Variants in MAGI2 observed in about 807,000 individuals in gnomAD.
MAGI2 encodes membrane associated guanylate kinase, WW and PDZ domain containing 2.
Under a neutral mutation model 133.3 loss-of-function variants are expected in MAGI2, and 35 were observed. The observed-to-expected ratio is 0.26, with a 90% CI of 0.20 to 0.35. The LOEUF is 0.35. MAGI2 is among the 10% of genes least tolerant of loss of function. The probability of loss-of-function intolerance (pLI) is 1.00; values close to 1 mark genes in which losing one functional copy is unlikely to be tolerated. For synonymous variants in MAGI2, 729 were observed against 710.6 expected (o/e 1.03, Z -0.41); for missense variants, 1,636 against 1,863.4 (o/e 0.88, Z 2.25).
chr7:78,459,273 A>G (rs1300481968), intron 6 of MAGI2, among the ~76,000 whole-genome samples: 3 of 152,200 alleles, frequency 2.0e-5, no homozygotes, highest in African/African-American at 7.2e-5. Context: ...AGTAGATAGA[A>G]CCATTTAAAA....
intron 1 of MAGI2, among the ~76,000 whole-genome samples, chr7:79,110,025 G>A (rs1818788619): frequency 6.6e-6 from 1 of 152,202 alleles, no homozygotes; most frequent in African/African-American, 2.4e-5. Flanking sequence ...AAGGGCTCCA[G>A]ATACAGCTTA....
chr7:78,728,540 C>CTTTTT (rs71085560), intron 2 of MAGI2, among the ~76,000 whole-genome samples: 3 of 60,112 alleles, frequency 5.0e-5, no homozygotes, highest in African/African-American at 7.3e-5. Flanking sequence ...TTTCTCTGAT[C>CTTTTT]TTTTTTTTTT....
At chr7:79,399,090 C>CTTTTTTTTTTTTTTTTTTTTTTT (rs1337058211) in intron 1 of MAGI2, among the ~76,000 whole-genome samples, 2 of 101,442 alleles carry the variant, frequency 2.0e-5, no homozygotes, top group African/African-American at 1.0e-4. Context: ...TTTTTTTTTT[C>CTTTTTTTTTTTTTTTTTTTTTTT]TTTTCTTTTT....
chr7:78,775,843 TAA>T (rs774230805), intron 2 of MAGI2, among the ~76,000 whole-genome samples: 8 of 152,206 alleles, frequency 5.3e-5, no homozygotes, highest in Non-Finnish European at 8.8e-5. Flanking sequence ...GCTACACAAT[TAA>T]CACTGTATTG....
intron 9 of MAGI2, among the ~76,000 whole-genome samples, chr7:78,272,970 T>C (rs1169453597): frequency 6.6e-6 from 1 of 152,236 alleles, no homozygotes; most frequent in East Asian, 1.9e-4. Flanking sequence ...TGTATGAATT[T>C]GATCCTGTCA....
At chr7:78,820,569 G>A (rs190298106) in intron 2 of MAGI2, among the ~76,000 whole-genome samples, 13 of 151,814 alleles carry the variant, frequency 8.6e-5, no homozygotes, top group Non-Finnish European at 1.9e-4. Flanking sequence ...CTCTATCAGA[G>A]CATTTTAAAA....
intron 1 of MAGI2, among the ~76,000 whole-genome samples, chr7:79,283,459 A>G (rs1835792645): frequency 6.6e-6 from 1 of 152,048 alleles, no homozygotes; most frequent in African/African-American, 2.4e-5. Flanking sequence ...TATCTTCATT[A>G]CTAATGGAAT....
chr7:78,108,320 A>G (rs1818900498), intron 20 of MAGI2, among the ~76,000 whole-genome samples: 1 of 152,000 alleles, frequency 6.6e-6, no homozygotes, highest in African/African-American at 2.4e-5. Context: ...GTTTTATTCT[A>G]CTGTGGTGTG....
intron 1 of MAGI2, among the ~76,000 whole-genome samples, chr7:79,150,255 G>A (rs1434157289): frequency 1.0e-4 from 8 of 78,764 alleles, no homozygotes; most frequent in Non-Finnish European, 2.7e-4. Context: ...GTAAATTTAC[G>A]GTTAAAAAAA....
intron 3 of MAGI2, among the ~76,000 whole-genome samples, chr7:78,581,605 A>T (rs1402996590): frequency 6.6e-6 from 1 of 152,212 alleles, no homozygotes; most frequent in Non-Finnish European, 1.5e-5. Flanking sequence ...CCATATTTAC[A>T]TGATTAGGTA....
At chr7:78,564,879 C>T (rs537019921) in intron 3 of MAGI2, among the ~76,000 whole-genome samples, 15 of 143,768 alleles carry the variant, frequency 1.0e-4, no homozygotes, top group Non-Finnish European at 2.0e-4. Context: ...CTGCAAGCTC[C>T]GCCTCCCGGG....
intron 2 of MAGI2, among the ~76,000 whole-genome samples, chr7:78,694,257 A>T (rs1202994697): frequency 6.6e-6 from 1 of 152,124 alleles, no homozygotes; most frequent in Non-Finnish European, 1.5e-5. Context: ...TTGTTAGCAA[A>T]GTCATATAGT....
At chr7:78,722,229 A>G (rs1820338890) in intron 2 of MAGI2, among the ~76,000 whole-genome samples, 2 of 151,994 alleles carry the variant, frequency 1.3e-5, no homozygotes, top group Non-Finnish European at 2.9e-5. Context: ...TAATATGGGA[A>G]TAAGCAATGT....
At chr7:79,266,821 C>A (rs557891637) in intron 1 of MAGI2, among the ~76,000 whole-genome samples, 18 of 152,138 alleles carry the variant, frequency 1.2e-4, no homozygotes, top group African/African-American at 2.2e-4. Context: ...AGACACCCCC[C>A]CAAAGCAAGC....
intron 3 of MAGI2, among the ~76,000 whole-genome samples, chr7:78,577,448 T>G (rs956098305): frequency 5.3e-5 from 8 of 152,200 alleles, no homozygotes; most frequent in African/African-American, 1.7e-4. Context: ...TTTGACTGTT[T>G]TCATTACATT....
At chr7:78,542,396 A>T (rs1025711871) in intron 3 of MAGI2, among the ~76,000 whole-genome samples, 1 of 152,192 alleles carries the variant, frequency 6.6e-6, no homozygotes, top group East Asian at 1.9e-4. Flanking sequence ...AGCAATATAG[A>T]CAAAGCTTTT....
At chr7:78,761,488 C>G (rs903587437) in intron 2 of MAGI2, among the ~76,000 whole-genome samples, 21 of 141,388 alleles carry the variant, frequency 1.5e-4, no homozygotes, top group African/African-American at 5.3e-4. Flanking sequence ...TTTTTTGAGA[C>G]AGAGTCTTGC....
At chr7:78,861,610 G>A (rs1432762760) in intron 2 of MAGI2, among the ~76,000 whole-genome samples, 1 of 152,116 alleles carries the variant, frequency 6.6e-6, no homozygotes, top group Non-Finnish European at 1.5e-5. Context: ...CCATTCACTA[G>A]TGATGTCATC....
intron 1 of MAGI2, among the ~76,000 whole-genome samples, chr7:79,089,283 T>A (rs1478797660): frequency 6.6e-6 from 1 of 152,042 alleles, no homozygotes; most frequent in Non-Finnish European, 1.5e-5. Context: ...AAAATGGTGA[T>A]CATTAGAAAG....
Sources: allele counts gnomAD v4.1 joint callset (sites outside exome capture counted in the v4.1 genomes callset), GRCh38; gene constraint gnomAD v4.1.1; transcripts MANE v1.5; gene names NCBI Gene and HGNC (gene_info 2026-07-23, HGNC 2026-07-21).